MED12L: variants seen among roughly 807,000 people sequenced by gnomAD.
The protein encoded by MED12L is mediator complex subunit 12L, also known as mediator of RNA polymerase II transcription subunit 12-like protein.
A neutral mutation model predicts 281.3 loss-of-function variants in MED12L; 60 were observed. That is an observed-to-expected ratio of 0.21 (90% confidence interval 0.17 to 0.26). MED12L has a LOEUF of 0.26. Among genes scored for constraint, MED12L ranks in the 10% least tolerant of loss-of-function variants. MED12L has a pLI of 1.00. For synonymous variants in MED12L, 974 were observed against 987.2 expected, an observed-to-expected ratio of 0.99 and a Z score of 0.25; for missense variants, 2,146 against 2,680.9, an observed-to-expected ratio of 0.80 and a Z score of 4.41.
Position 151,409,315 on chromosome 3 carries a change from G to T in MED12L, c.5893G>T (p.Gly1965Trp), listed in dbSNP as rs1486468815. Residue 1965 changes from glycine to tryptophan, a missense_variant, in exon 40 of 45, where the codon GGG (glycine) becomes TGG (tryptophan). Around this residue, in one of 9 missense-constraint regions of MED12L, gnomAD observed 496 missense variants for 512.0 expected, o/e 0.97. Coordinates refer to ENST00000687756, the MANE Select transcript of MED12L (RefSeq NM_001393769.1). ...RPSPQLPQYP[G>W]LQQAQTMPQG... is the part of the protein sequence containing the mutation. ...CTCCCCTCAGCTCCCTCAGTATCCA[G>T]GGCTGCAGCAAGCACAGGTACCCAC... is the stretch of plus-strand genomic sequence containing the variant. 1 of 1,613,998 alleles carries T rather than the reference G, an allele frequency of 6.2e-7. No individual in the cohort carries two copies. Among genetic ancestry groups the T allele is most frequent in the South Asian group, 1.1e-5 (1 of 91,078 alleles).
At chr3:151,361,707 GA>G (rs2150081908) in intron 21 of MED12L, among the ~76,000 whole-genome samples, 1 of 152,250 alleles carries the variant, frequency 6.6e-6, no homozygotes, top group South Asian at 2.1e-4. Flanking sequence ...GTAAGTGTGA[GA>G]GACAATATTC....
chr3:151,384,309 T>A, intron 35 of MED12L, 91 bp downstream of exon 35: 1 of 1,276,836 alleles, frequency 7.8e-7, no homozygotes, highest in Non-Finnish European at 1.1e-6. Flanking sequence ...TAAATGTTAT[T>A]AATTGTATTC....
chr3:151,135,828 G>A (rs554407285), intron 5 of MED12L, among the ~76,000 whole-genome samples: 8 of 152,238 alleles, frequency 5.3e-5, no homozygotes, highest in Non-Finnish European at 8.8e-5. Context: ...GCAAAGCAAA[G>A]TCCAGGGTGC....
chr3:151,429,911 T>C (rs1719288373), intron 43 of MED12L, among the ~76,000 whole-genome samples: 1 of 152,298 alleles, frequency 6.6e-6, no homozygotes, highest in East Asian at 1.9e-4. Context: ...CAACCTGTAG[T>C]CCTTGAACAA....
At chr3:151,106,334 C>T (rs71310212) in intron 2 of MED12L, among the ~76,000 whole-genome samples, 3 of 126,520 alleles carry the variant, frequency 2.4e-5, no homozygotes, top group Middle Eastern at 4.2e-3. Context: ...CTCCCCTCCC[C>T]TCCCCTCCCC....
At chr3:151,256,683 T>G (rs1244064231) in intron 16 of MED12L, among the ~76,000 whole-genome samples, 1 of 152,302 alleles carries the variant, frequency 6.6e-6, no homozygotes, top group East Asian at 1.9e-4. Flanking sequence ...TATTTTAAGA[T>G]CTAAGAGATG....
chr3:151,378,024 C>T lies in MED12L; in HGVS notation c.4329C>T (p.Arg1443=). The T allele has an allele frequency of 6.2e-7, 1 of 1,604,060 alleles. No homozygotes were observed. The highest frequency in any genetic ancestry group is 8.5e-7 in the Non-Finnish European group (1 of 1,174,128). The part of the protein sequence containing the change: ...GIKTFLSSSE[R]RGVWLVAPLI... ...TTTCTGATTTTAGTTCCTCCGAACGCAGGGGTGTATGGTTGGTGGCCCCCC... is the reference window on the plus strand; with the variant it reads ...TTTCTGATTTTAGTTCCTCCGAACGTAGGGGTGTATGGTTGGTGGCCCCCC... The change falls in exon 31 of 45, where the codon CGC becomes CGT. Residue 1443 remains arginine (R), a synonymous_variant. Coordinates refer to ENST00000687756, the MANE Select transcript of MED12L (RefSeq NM_001393769.1).
chr3:151,300,833 G>A (rs868502990), intron 16 of MED12L, among the ~76,000 whole-genome samples: 8 of 152,214 alleles, frequency 5.3e-5, no homozygotes, highest in Admixed American at 6.5e-5. Context: ...GTGGGAGGCA[G>A]GAGTATGTGT....
At chr3:151,086,490 T>TA (rs1239327168) in intron 1 of MED12L, 1 of 152,304 alleles carries the variant, frequency 6.6e-6, no homozygotes, top group Admixed American at 6.5e-5. Flanking sequence ...GTTTTTTTTT[T>TA]TTTTTTTCCA....
At chr3:151,211,622 T>C (rs1727179337) in intron 16 of MED12L, among the ~76,000 whole-genome samples, 1 of 152,154 alleles carries the variant, frequency 6.6e-6, no homozygotes, top group South Asian at 2.1e-4. Flanking sequence ...CCTAAAATAT[T>C]GATGAGGTTA....
At chr3:151,413,463 G>C (rs1717184510) in intron 42 of MED12L, among the ~76,000 whole-genome samples, 168 bp downstream of exon 42, 1 of 152,204 alleles carries the variant, frequency 6.6e-6, no homozygotes, top group South Asian at 2.1e-4. Flanking sequence ...AACTTGGCAA[G>C]AATTTTATTT....
At chr3:151,157,220 G>A (rs1188524399) in intron 6 of MED12L, among the ~76,000 whole-genome samples, 2 of 151,998 alleles carry the variant, frequency 1.3e-5, no homozygotes, top group East Asian at 3.8e-4. Context: ...TACGTATTAG[G>A]AGTATTGAAA....
rs1252161457 is a variant in MED12L at position 151,415,881 on chromosome 3, C to CA, written c.6298-422dup. On this transcript the variant is annotated intron_variant, in intron 42 of 44. Coordinates refer to ENST00000687756, the MANE Select transcript of MED12L (RefSeq NM_001393769.1). Reference sequence around the variant, plus strand: ...CTTCCTTTTGGAAAAAAACAAAAAACAAAAAAAAACCTTTAAGAATTCTGC... The same window carrying CA: ...CTTCCTTTTGGAAAAAAACAAAAAACAAAAAAAAAACCTTTAAGAATTCTGC... Among the ~76,000 whole-genome samples, 476 of 150,526 alleles carry CA rather than the reference C, an allele frequency of 3.2e-3. 3 individuals are homozygous for CA. Among genetic ancestry groups the CA allele is most frequent in the African/African-American group, 8.9e-3 (366 of 41,062 alleles).
intron 16 of MED12L, among the ~76,000 whole-genome samples, chr3:151,321,523 C>A (rs1748998774): frequency 2.0e-5 from 3 of 151,840 alleles, no homozygotes; most frequent in Admixed American, 2.0e-4. Context: ...TTTTAAAAAA[C>A]CCAAAGCTAT....
intron 16 of MED12L, chr3:151,200,942 G>A (rs926471465): frequency 6.6e-6 from 1 of 152,102 alleles, no homozygotes; most frequent in Non-Finnish European, 1.5e-5. Context: ...TATAAAGCCA[G>A]GATTCCAGCT....
At chr3:151,359,230 C>T (rs1047510324) in intron 20 of MED12L, among the ~76,000 whole-genome samples, 1 of 152,142 alleles carries the variant, frequency 6.6e-6, no homozygotes, top group African/African-American at 2.4e-5. Context: ...CCTGCAGCTA[C>T]ATCTATATTG....
At chr3:151,376,516 T>A (rs1333604448) in intron 28 of MED12L, among the ~76,000 whole-genome samples, 1 of 152,164 alleles carries the variant, frequency 6.6e-6, no homozygotes, top group Admixed American at 6.6e-5. Flanking sequence ...CATTTTGGAT[T>A]GGGATTGGTT....
At chr3:151,222,114 G>A (rs1182609845) in intron 16 of MED12L, among the ~76,000 whole-genome samples, 1 of 152,218 alleles carries the variant, frequency 6.6e-6, no homozygotes, top group Non-Finnish European at 1.5e-5. Flanking sequence ...GGGGCCTGTA[G>A]CCCCTTTGTT....
intron 21 of MED12L, 123 bp downstream of exon 21, chr3:151,360,728 A>G: frequency 2.4e-6 from 2 of 830,440 alleles, no homozygotes; most frequent in Middle Eastern, 4.8e-4. Context: ...TTAGGCAGTA[A>G]TTTTGATATA....
Sources: gnomAD v4.1 joint callset for allele counts (sites outside exome capture counted in the v4.1 genomes callset) on GRCh38, gnomAD v4.1.1 for gene constraint, gnomAD v4.1.1 regional missense constraint, MANE v1.5 for transcripts, NCBI Gene and HGNC (gene_info 2026-07-23, HGNC 2026-07-21) for gene names.